The following ANKRD53 variants were observed in gnomAD, a reference collection of about 807,000 sequenced individuals.
ANKRD53 encodes the protein ankyrin repeat domain 53, also known as ankyrin repeat domain-containing protein 53.
ANKRD53 carries 27 observed loss-of-function variants against 30.1 expected under a neutral mutation model. That is an observed-to-expected ratio of 0.90 (90% confidence interval 0.66 to 1.24). The LOEUF (loss-of-function observed/expected upper bound fraction) is 1.24. Ranked by LOEUF, ANKRD53 falls within the 50% of genes most tolerant of loss-of-function variation. ANKRD53 has a pLI of 0.00. For missense variants in ANKRD53, 682 were observed against 721.0 expected, an observed-to-expected ratio of 0.95 and a Z score of 0.62; for synonymous variants, 286 against 295.4, an observed-to-expected ratio of 0.97 and a Z score of 0.33.
chr2:70,979,240 C>T lies in ANKRD53; in HGVS notation c.314C>T (p.Ala105Val). 6.2e-7 allele frequency: 1 copy of T among 1,613,510 alleles called. No individual in the cohort carries two copies. Among genetic ancestry groups the T allele is most frequent in the South Asian group, 1.1e-5 (1 of 91,084 alleles). The change falls in exon 2 of 6, where the codon GCG (alanine) becomes GTG (valine). Residue 105 changes from alanine to valine, a missense_variant. Ala to Val is a moderately conservative substitution (Grantham distance 64). Coordinates refer to ENST00000360589, the MANE Select transcript of ANKRD53 (RefSeq NM_001115116.2). ...ESDQTAIDQT[A>V]IGSYYQLFAA... ...GACCAGACGGCAATCGACCAGACGG[C>T]GATCGGGAGCTACTACCAGCTGTTC...
chr2:70,980,087 A>C (rs950139849), intron 3 of ANKRD53, among the ~76,000 whole-genome samples: 1 of 152,216 alleles, frequency 6.6e-6, no homozygotes, highest in Non-Finnish European at 1.5e-5. Flanking sequence ...AGGCCGAGGC[A>C]GGCGGATCAC....
chr2:70,985,496 C>CCG lies in ANKRD53; in HGVS notation c.*197_*198insGC, dbSNP rs200633868. The CCG allele has an allele frequency of 1.7e-6, 1 of 583,186 alleles. No individual in the cohort carries two copies. The highest frequency in any genetic ancestry group is 1.9e-5 in the African/African-American group (1 of 52,514). The allele number at this position is 583,186 out of a possible 1,614,324, so 36.1% of individuals were successfully genotyped here. A position where few individuals can be genotyped will look rare whatever the true frequency, so the allele number is the denominator to read the frequency against. On this transcript the variant is annotated 3_prime_UTR_variant, in exon 6 of 6. Transcript: ENST00000360589. ...CTGCAAATAAATCTCTTGGCACCCCCCCACCGCCGCCAGGAAATCCAAGTT... is the reference window on the plus strand; with the variant it reads ...CTGCAAATAAATCTCTTGGCACCCCCCGCCACCGCCGCCAGGAAATCCAAGTT...
In ANKRD53 at chr2:70,982,640, G is replaced by T. The variant is rs1553423832; in HGVS notation, c.846G>T (p.Met282Ile). 6.2e-7 allele frequency: 1 copy of T among 1,614,166 alleles called. No individual in the cohort carries two copies. Among genetic ancestry groups the T allele is most frequent in the Non-Finnish European group, 8.5e-7 (1 of 1,180,026 alleles). ...KKDFAREMTK[M>I]KMFKSQLTLM... ...ACTTTGCCCGTGAGATGACGAAAAT[G>T]AAGATGTTCAAGAGCCAGCTGACCC... The change falls in exon 5 of 6, where the codon ATG becomes ATT. Residue 282 changes from methionine (M) to isoleucine (I), a missense_variant. Transcript: ENST00000360589. This position sits in a 1 kb window ranked among gnomAD's most constrained non-coding sequence, Gnocchi z 4.2.
At position 70,984,924 on chromosome 2, in the gene ANKRD53, T is replaced by A. The variant is rs1670130843; in HGVS notation, c.1217T>A (p.Ile406Asn). 1 of 1,550,714 alleles carries A rather than the reference T, an allele frequency of 6.4e-7. No individual in the cohort carries two copies. The highest frequency in any genetic ancestry group is 1.2e-5 in the South Asian group (1 of 84,056). The change falls in exon 6 of 6, where the codon ATC (isoleucine) becomes AAC (asparagine). Residue 406 changes from isoleucine (I) to asparagine (N), a missense_variant. Ile to Asn is a moderately radical substitution (Grantham distance 149). Coordinates refer to ENST00000360589, the MANE Select transcript of ANKRD53 (RefSeq NM_001115116.2). ...ACCCAGATCAGCCACTCGCAGGGCA[T>A]CCGCCTGGGCGTGCATCCAGACCCC... ...PTTQISHSQG[I>N]RLGVHPDPTP...
chr2:70,980,280 A>C (rs1669967544), intron 3 of ANKRD53, among the ~76,000 whole-genome samples: 1 of 147,570 alleles, frequency 6.8e-6, no homozygotes, highest in Non-Finnish European at 1.5e-5. Flanking sequence ...GTGCCATTGC[A>C]CTTCAGCCCG....
Position 70,982,718 on chromosome 2 carries a change from G to T in ANKRD53, c.903+21G>T, listed in dbSNP as rs541931362. ...ATCAAGTAAGGGGGACAGCAGGGGG[G>T]CCAGGGGACAGCTGCTATCCAGGCA... On this transcript the variant is annotated intron_variant, in intron 5 of 5. Transcript: ENST00000360589. The surrounding 1 kb of genome is among the most constrained non-coding windows in gnomAD (Gnocchi z 4.2). 3 of 1,612,022 alleles carry T rather than the reference G, an allele frequency of 1.9e-6. No individual in the cohort carries two copies. Among genetic ancestry groups the T allele is most frequent in the Admixed American group, 3.3e-5 (2 of 59,958 alleles).
rs537775336 is a variant in ANKRD53, at chr2:70,984,670, C to G, written c.963C>G (p.His321Gln). ...GAAAGTGGCTCCACGGCAAGCTGCA[C>G]CCAGGCCACTCTCTGGTCTCCAATA... ...AIRKWLHGKL[H>Q]PGHSLVSNTK... The change falls in exon 6 of 6, where the codon CAC (histidine) becomes CAG (glutamine). Residue 321 changes from histidine (H) to glutamine (Q), a missense_variant. Physicochemically the swap from His to Gln is conservative, Grantham distance 24. Coordinates refer to ENST00000360589, the MANE Select transcript of ANKRD53 (RefSeq NM_001115116.2). 7 of 1,614,098 alleles carry G rather than the reference C, an allele frequency of 4.3e-6. No individual in the cohort carries two copies. Among genetic ancestry groups the G allele is most frequent in the Non-Finnish European group, 5.9e-6 (7 of 1,180,048 alleles).
intron 3 of ANKRD53, among the ~76,000 whole-genome samples, chr2:70,980,821 C>T (rs1211519621): frequency 6.8e-6 from 1 of 147,512 alleles, no homozygotes; most frequent in Admixed American, 6.7e-5. Context: ...TGGCGGGTGC[C>T]TGTTGTCCCA....
chr2:70,980,714 G>A (rs1277562198), intron 3 of ANKRD53, among the ~76,000 whole-genome samples: 1 of 152,186 alleles, frequency 6.6e-6, no homozygotes, highest in Non-Finnish European at 1.5e-5. Context: ...GGGAGGCTGG[G>A]GCGAGCGGAT....
In ANKRD53 at chr2:70,979,084, C is replaced by T; in HGVS notation, c.171-13C>T. 1 of 1,574,156 alleles carries T rather than the reference C, an allele frequency of 6.4e-7. No homozygotes were observed. On this transcript the variant is annotated splice_polypyrimidine_tract_variant and intron_variant, in intron 1 of 5. Transcript: ENST00000360589. ...GTGGCCCAGAGTCGCTTCCCCACTG[C>T]CCCGCCCTCCAGCCAGCCCCTGCCC...
chr2:70,978,521 G>C (rs1669892435), upstream of ANKRD53: 1 of 1,195,950 alleles, frequency 8.4e-7, no homozygotes, highest in Non-Finnish European at 1.1e-6. This position sits in a 1 kb window ranked among gnomAD's most constrained non-coding sequence, Gnocchi z 4.3. Flanking sequence ...AGAGGCAGCC[G>C]AACCCTAGCG....
Position 70,978,722 on chromosome 2 carries a change from C to A in ANKRD53, c.77C>A (p.Ala26Asp). The change falls in exon 1 of 6, where the codon GCT becomes GAT. Residue 26 changes from alanine (A) to aspartate (D), a missense_variant. By Grantham distance (126) the Ala-to-Asp change is moderately radical. Coordinates refer to ENST00000360589, the MANE Select transcript of ANKRD53 (RefSeq NM_001115116.2). The surrounding 1 kb of genome is among the most constrained non-coding windows in gnomAD (Gnocchi z 4.3). Reference sequence around the variant, plus strand: ...TCAGAAAGGGGAGAAGGGAGAGGTGCTCGGCCGCAGCCAACTCCAAGTGGC... The same window carrying A: ...TCAGAAAGGGGAGAAGGGAGAGGTGATCGGCCGCAGCCAACTCCAAGTGGC... ...WHSERGEGRG[A>D]RPQPTPSGSM... 1.3e-6 allele frequency: 2 copies of A among 1,552,286 alleles called. No homozygotes were observed. Among genetic ancestry groups the A allele is most frequent in the South Asian group, 1.2e-5 (1 of 84,102 alleles).
In ANKRD53 at chr2:70,979,523, G is replaced by A. The variant is rs538510358; in HGVS notation, c.418-138G>A. 1.1e-4 allele frequency: 147 copies of A among 1,383,762 alleles called. No homozygotes were observed. In the Middle Eastern group the frequency reaches 1.5e-3, roughly 14 times the overall value. 85.7% of individuals were successfully genotyped at this position (1,383,762 alleles called of 1,614,324 possible). ...TGGGTGGGCTGATGAACACACACTGGTTAATTAGCAAAAGGGTGTGAGCAT... is the reference window on the plus strand; with the variant it reads ...TGGGTGGGCTGATGAACACACACTGATTAATTAGCAAAAGGGTGTGAGCAT... On this transcript the variant is annotated intron_variant, in intron 2 of 5. Transcript: ENST00000360589.
rs1670034044 is a variant in ANKRD53 at position 70,982,223 on chromosome 2, T to G, written c.782+123T>G. 3 of 1,169,828 alleles carry G rather than the reference T, an allele frequency of 2.6e-6. No homozygotes were observed. The highest frequency in any genetic ancestry group is 3.5e-6 in the Non-Finnish European group (3 of 850,308). The allele number at this position is 1,169,828 out of a possible 1,614,324, so 72.5% of individuals were successfully genotyped here. ...GTTGGGAAGCCAGACAGCTGGAGGATGCGCCTACTGCCCAGGATATTTTGG... is the reference window on the plus strand; with the variant it reads ...GTTGGGAAGCCAGACAGCTGGAGGAGGCGCCTACTGCCCAGGATATTTTGG... On this transcript the variant is annotated intron_variant, in intron 4 of 5. Coordinates refer to ENST00000360589, the MANE Select transcript of ANKRD53 (RefSeq NM_001115116.2). This position sits in a 1 kb window ranked among gnomAD's most constrained non-coding sequence, Gnocchi z 4.2.
At chr2:70,984,553 G>A (rs1483277681) in intron 5 of ANKRD53, 58 bp from the exon 6 acceptor site, 14 of 1,579,640 alleles carry the variant, frequency 8.9e-6, no homozygotes, top group South Asian at 2.3e-5. Flanking sequence ...GGACCTCCTT[G>A]CCCAGAAGCA....
In ANKRD53 at chr2:70,979,755, CCAA is replaced by C; in HGVS notation, c.516_518del (p.Asn173del). On this transcript the variant is annotated inframe_deletion, in exon 3 of 6. Coordinates refer to ENST00000360589, the MANE Select transcript of ANKRD53 (RefSeq NM_001115116.2). ...TACAAGTTTCCCGTGGACCTGCTGA[CCAA>C]CAATAGCCAGACACCCCTGCACCTC... The C allele has an allele frequency of 1.2e-6, 2 of 1,614,222 alleles. No homozygotes were observed. The highest frequency in any genetic ancestry group is 2.2e-5 in the South Asian group (2 of 91,086).
At chr2:70,981,827 G>T in intron 3 of ANKRD53, 109 bp from the exon 4 acceptor site, 1 of 1,234,726 alleles carries the variant, frequency 8.1e-7, no homozygotes, top group South Asian at 1.7e-5. Flanking sequence ...TCACCCAGTG[G>T]ACTGATGGTA....
In ANKRD53 at chr2:70,985,308, A is replaced by T; in HGVS notation, c.*8A>T. On this transcript the variant is annotated 3_prime_UTR_variant, in exon 6 of 6. Transcript: ENST00000360589. ...CCACAAACCAACCCATAAAGTTATT[A>T]TGGCTACCTCTCCCCCTGAGGCAGC... The T allele has an allele frequency of 6.7e-7, 1 of 1,493,424 alleles. No individual in the cohort carries two copies. Among genetic ancestry groups the T allele is most frequent in the Non-Finnish European group, 9.0e-7 (1 of 1,107,424 alleles). 92.5% of individuals were successfully genotyped at this position (1,493,424 alleles called of 1,614,324 possible). A position where few individuals can be genotyped will look rare whatever the true frequency, so the allele number is the denominator to read the frequency against.
rs375306837 is a variant in ANKRD53 at position 70,985,374 on chromosome 2, C to T, written c.*74C>T. On this transcript the variant is annotated 3_prime_UTR_variant, in exon 6 of 6. Transcript: ENST00000360589. ...GTGTGGCAATTCACGTTGTGGGTGG[C>T]GAGGAAAGGGGGAGGGGTGCCTATG... 37 of 1,382,592 alleles carry T rather than the reference C, an allele frequency of 2.7e-5. 1 individual carries two copies. The East Asian group carries it at 3.9e-4, about 14-fold the overall frequency. The allele number at this position is 1,382,592 out of a possible 1,614,324, so 85.6% of individuals were successfully genotyped here.
Sources: allele counts gnomAD v4.1 joint callset (sites outside exome capture counted in the v4.1 genomes callset), GRCh38; gene constraint gnomAD v4.1.1; non-coding constraint Gnocchi (gnomAD v3.1); transcripts MANE v1.5; gene names NCBI Gene and HGNC (gene_info 2026-07-23, HGNC 2026-07-21).